Variants in CEP112 observed in about 807,000 individuals in gnomAD.
CEP112 encodes centrosomal protein of 112 kDa.
Under a neutral mutation model 153.0 loss-of-function variants are expected in CEP112, and 127 were observed. The ratio of observed to expected loss-of-function variants is 0.83; its 90% CI spans 0.72 to 0.96. CEP112 has a LOEUF of 0.96. CEP112 is among the 40% of genes least tolerant of loss of function. The pLI is 0.00. For synonymous variants in CEP112, 358 were observed against 374.4 expected (o/e 0.96, Z 0.51); for missense variants, 1,089 against 1,101.2 (o/e 0.99, Z 0.16).
At chr17:65,821,246 G>C (rs1436842274) in intron 21 of CEP112, among the ~76,000 whole-genome samples, 2 of 151,394 alleles carry the variant, frequency 1.3e-5, no homozygotes, top group Non-Finnish European at 2.9e-5. Flanking sequence ...GTGGAAATAT[G>C]TATGTGTTTG....
intron 6 of CEP112, among the ~76,000 whole-genome samples, chr17:66,106,801 G>A (rs1365918410): frequency 2.0e-5 from 3 of 151,978 alleles, no homozygotes; most frequent in Non-Finnish European, 2.9e-5. Flanking sequence ...CTCAAGGCTA[G>A]TATTACCCTG....
chr17:65,777,516 T>C (rs2053750407), intron 21 of CEP112, among the ~76,000 whole-genome samples: 2 of 152,072 alleles, frequency 1.3e-5, no homozygotes, highest in South Asian at 4.2e-4. Flanking sequence ...ACTTTGAGGG[T>C]AGGAGCTGTG....
chr17:65,703,587 G>A (rs1375190111), intron 23 of CEP112, among the ~76,000 whole-genome samples: 4 of 148,732 alleles, frequency 2.7e-5, no homozygotes, highest in Admixed American at 6.8e-5. Context: ...GCGAAGTCTT[G>A]CAGACAGGAA....
At chr17:65,860,601 A>G (rs888316788) in intron 20 of CEP112, among the ~76,000 whole-genome samples, 1 of 152,240 alleles carries the variant, frequency 6.6e-6, no homozygotes. Context: ...ACAGGCTCAC[A>G]CTGGACAGAG....
intron 19 of CEP112, among the ~76,000 whole-genome samples, chr17:65,909,608 C>A (rs930910554): frequency 6.6e-6 from 1 of 152,130 alleles, no homozygotes; most frequent in African/African-American, 2.4e-5. Context: ...TCATACTGAA[C>A]ATACTTGGCA....
intron 18 of CEP112, among the ~76,000 whole-genome samples, chr17:65,950,262 C>T (rs2061778961): frequency 6.6e-6 from 1 of 151,844 alleles, no homozygotes; most frequent in African/African-American, 2.4e-5. Context: ...TCAATTTCTA[C>T]CAAAAATTAC....
chr17:65,674,611 T>C (rs372249645), intron 24 of CEP112, among the ~76,000 whole-genome samples: 88 of 152,282 alleles, frequency 5.8e-4, no homozygotes, highest in East Asian at 1.4e-3. Context: ...TAGGAGTGAA[T>C]TGGAAATAAA....
intron 19 of CEP112, among the ~76,000 whole-genome samples, chr17:65,911,425 T>G (rs143156593): frequency 6.6e-6 from 1 of 152,318 alleles, no homozygotes; most frequent in Non-Finnish European, 1.5e-5. Flanking sequence ...GCCCTCAAAA[T>G]TGAACCACAA....
chr17:66,109,513 TAGG>T (rs2068927864), intron 6 of CEP112, among the ~76,000 whole-genome samples: 1 of 151,988 alleles, frequency 6.6e-6, no homozygotes, highest in South Asian at 2.1e-4. Flanking sequence ...AAAAATCATC[TAGG>T]AGAAGAGTTT....
chr17:65,693,419 T>G (rs570774024), intron 23 of CEP112, among the ~76,000 whole-genome samples: 1 of 151,804 alleles, frequency 6.6e-6, no homozygotes, highest in East Asian at 1.9e-4. Flanking sequence ...CTCTTGAATC[T>G]TGAGGAAATA....
At chr17:66,070,578 T>C (rs1201082173) in intron 8 of CEP112, among the ~76,000 whole-genome samples, 1 of 152,138 alleles carries the variant, frequency 6.6e-6, no homozygotes, top group Non-Finnish European at 1.5e-5. Flanking sequence ...TTTATCTCCT[T>C]CCAAGCATTC....
At chr17:66,037,668 G>A (rs2065794749) in intron 12 of CEP112, among the ~76,000 whole-genome samples, 1 of 151,962 alleles carries the variant, frequency 6.6e-6, no homozygotes, top group South Asian at 2.1e-4. Flanking sequence ...TACCATAAAA[G>A]TATGAAAAGT....
At chr17:66,015,881 G>T (rs1042379451) in intron 16 of CEP112, among the ~76,000 whole-genome samples, 2 of 151,962 alleles carry the variant, frequency 1.3e-5, no homozygotes, top group African/African-American at 4.8e-5. Flanking sequence ...TTATATACTG[G>T]TTTTCTATTT....
At chr17:65,852,156 A>G (rs2057957005) in intron 20 of CEP112, 122 bp from the exon 21 acceptor site, 4 of 612,702 alleles carry the variant, frequency 6.5e-6, no homozygotes, top group Non-Finnish European at 1.1e-5. Flanking sequence ...CTTAGATTGC[A>G]CTCCATCCTT....
intron 6 of CEP112, among the ~76,000 whole-genome samples, chr17:66,109,852 G>C (rs570157891): frequency 6.6e-6 from 1 of 152,100 alleles, no homozygotes; most frequent in Non-Finnish European, 1.5e-5. Flanking sequence ...TGGGGCAATT[G>C]GCAATTTATA....
intron 19 of CEP112, among the ~76,000 whole-genome samples, chr17:65,912,723 T>C (rs1464852293): frequency 6.6e-6 from 1 of 152,196 alleles, no homozygotes; most frequent in Non-Finnish European, 1.5e-5. Context: ...GTTCAAACAT[T>C]GTAAACTGTA....
chr17:66,029,707 T>TAAAC (rs58836760), intron 13 of CEP112, among the ~76,000 whole-genome samples, 162 bp downstream of exon 13: 81 of 132,048 alleles, frequency 6.1e-4, no homozygotes, highest in African/African-American at 2.3e-3. Context: ...TGTCTCTAAA[T>TAAAC]AAACAAACAA....
chr17:65,979,125 G>A (rs191532870), intron 17 of CEP112, among the ~76,000 whole-genome samples: 405 of 152,276 alleles, frequency 2.7e-3, no homozygotes, highest in African/African-American at 9.5e-3. Flanking sequence ...CTCAAGCAGA[G>A]AGGAGAAAAG....
At chr17:65,869,976 T>A (rs188725412) in intron 20 of CEP112, among the ~76,000 whole-genome samples, 39 of 131,964 alleles carry the variant, frequency 3.0e-4, no homozygotes, top group Non-Finnish European at 3.8e-4. Flanking sequence ...AAAAAAATTA[T>A]CTTGCCTGCA....
Sources: gnomAD v4.1 joint callset for allele counts (sites outside exome capture counted in the v4.1 genomes callset) on GRCh38, gnomAD v4.1.1 for gene constraint, MANE v1.5 for transcripts, NCBI Gene and HGNC (gene_info 2026-07-23, HGNC 2026-07-21) for gene names.